AEBP2: variants seen among roughly 807,000 people sequenced by gnomAD.
AEBP2 encodes zinc finger protein AEBP2.
Under a neutral mutation model 50.8 loss-of-function variants are expected in AEBP2, and 10 were observed. The ratio of observed to expected loss-of-function variants is 0.20; its 90% CI spans 0.12 to 0.33. AEBP2 has a LOEUF of 0.33. Ranked by LOEUF, AEBP2 falls within the 10% of genes least tolerant of loss-of-function variation. The pLI is 1.00. For synonymous variants in AEBP2, 296 were observed against 261.3 expected (o/e 1.13, Z -1.28); for missense variants, 570 against 688.0 (o/e 0.83, Z 1.92).
At chr12:19,420,389 G>T (rs978210044) in intron 1 of AEBP2, among the ~76,000 whole-genome samples, 1 of 130,446 alleles carries the variant, frequency 7.7e-6, no homozygotes, top group Non-Finnish European at 1.6e-5. Context: ...GCTGGAGTAC[G>T]ATGGTGCTAT....
In AEBP2 at chr12:19,440,128, C is replaced by A; in HGVS notation, c.429C>A (p.Gly143=). The A allele has an allele frequency of 1.3e-6, 2 of 1,504,234 alleles. No homozygotes were observed. The highest frequency in any genetic ancestry group is 1.8e-6 in the Non-Finnish European group (2 of 1,132,980). The allele number at this position is 1,504,234 out of a possible 1,614,324, so 93.2% of individuals were successfully genotyped here. ...ACGAGACCCGCTCGTTGAGCCCCGGCGCCGCCAGCAGCAGCAGCGGGGATG... is the reference window on the plus strand; with the variant it reads ...ACGAGACCCGCTCGTTGAGCCCCGGAGCCGCCAGCAGCAGCAGCGGGGATG... ...SSDETRSLSP[G]AASSSSGDGD... Residue 143 remains glycine, a synonymous_variant, in exon 1 of 8, where the codon GGC becomes GGA. Coordinates refer to ENST00000266508, the MANE Select transcript of AEBP2 (RefSeq NM_153207.5).
chr12:19,440,525 C>T (rs1403069091), intron 1 of AEBP2, 155 bp downstream of exon 1: 2 of 1,383,238 alleles, frequency 1.4e-6, no homozygotes, highest in Admixed American at 3.0e-5. Context: ...TCGCCGTCGC[C>T]GCCGCGCCCC....
At chr12:19,452,040 G>A (rs922817126) in intron 1 of AEBP2, among the ~76,000 whole-genome samples, 5 of 152,044 alleles carry the variant, frequency 3.3e-5, no homozygotes, top group Non-Finnish European at 5.9e-5. Context: ...ACAGGCATGC[G>A]CCCCCACACC....
chr12:19,495,547 C>CTTTTTTTTTTTTTTTTT (rs35060511), intron 4 of AEBP2, among the ~76,000 whole-genome samples: 2 of 141,040 alleles, frequency 1.4e-5, no homozygotes, highest in African/African-American at 2.6e-5. Flanking sequence ...TTCATTCTTG[C>CTTTTTTTTTTTTTTTTT]TTTTTTTTTT....
At chr12:19,416,378 A>C (rs1399980890) in intron 1 of AEBP2, among the ~76,000 whole-genome samples, 1 of 152,134 alleles carries the variant, frequency 6.6e-6, no homozygotes, top group African/African-American at 2.4e-5. Context: ...AAATAATCTG[A>C]GATACAAATG....
chr12:19,476,136 CT>C (rs1565721699), intron 3 of AEBP2, among the ~76,000 whole-genome samples: 1 of 152,136 alleles, frequency 6.6e-6, no homozygotes, highest in Non-Finnish European at 1.5e-5. Flanking sequence ...AACTCTTTGC[CT>C]AAGCCAATGT....
At chr12:19,429,198 A>G (rs1277803037) in intron 1 of AEBP2, among the ~76,000 whole-genome samples, 1 of 152,058 alleles carries the variant, frequency 6.6e-6, no homozygotes, top group Non-Finnish European at 1.5e-5. Context: ...TCATTGTTCA[A>G]TTCCCACCTA....
chr12:19,499,894 A>G (rs971813340), intron 4 of AEBP2, among the ~76,000 whole-genome samples: 3 of 152,210 alleles, frequency 2.0e-5, no homozygotes, highest in African/African-American at 7.2e-5. Flanking sequence ...ACCAAGGGTC[A>G]GAATTAACCC....
At chr12:19,412,635 T>C (rs888504569) in intron 1 of AEBP2, among the ~76,000 whole-genome samples, 1 of 152,046 alleles carries the variant, frequency 6.6e-6, no homozygotes, top group Non-Finnish European at 1.5e-5. Context: ...AATCTCACTA[T>C]GTTGCCCAGG....
intron 1 of AEBP2, among the ~76,000 whole-genome samples, chr12:19,445,454 TC>T (rs1308503569): frequency 6.6e-6 from 1 of 151,470 alleles, no homozygotes; most frequent in South Asian, 2.1e-4. Context: ...CCTCAAATGA[TC>T]CGCTTGCCTC....
At chr12:19,502,608 A>C (rs949706177) in intron 5 of AEBP2, among the ~76,000 whole-genome samples, 2 of 147,712 alleles carry the variant, frequency 1.4e-5, no homozygotes, top group African/African-American at 5.0e-5. Context: ...GTGCAGTTTT[A>C]TTTCAGGGGC....
chr12:19,422,065 C>A (rs1021614461), intron 1 of AEBP2, among the ~76,000 whole-genome samples: 1 of 152,072 alleles, frequency 6.6e-6, no homozygotes, highest in Non-Finnish European at 1.5e-5. Flanking sequence ...TCACTTCAAC[C>A]TGGGAGGCAG....
intron 2 of AEBP2, among the ~76,000 whole-genome samples, chr12:19,471,581 A>G (rs1948574295): frequency 6.6e-6 from 1 of 151,940 alleles, no homozygotes; most frequent in Non-Finnish European, 1.5e-5. Flanking sequence ...GGCTCACTGC[A>G]GCCTCCATCT....
chr12:19,440,467 C>G (rs944276332), intron 1 of AEBP2, 97 bp downstream of exon 1: 1 of 1,410,682 alleles, frequency 7.1e-7, no homozygotes, highest in Admixed American at 2.9e-5. Context: ...GATCCCCCTG[C>G]TCCCCGAATC....
At chr12:19,478,886 A>G (rs904882719) in intron 3 of AEBP2, among the ~76,000 whole-genome samples, 5 of 152,016 alleles carry the variant, frequency 3.3e-5, no homozygotes, top group African/African-American at 1.2e-4. Context: ...TTTGTGACCT[A>G]TCATATGGTC....
intron 1 of AEBP2, chr12:19,413,039 C>CT (rs1437831897): frequency 2.2e-6 from 1 of 462,876 alleles, no homozygotes; most frequent in Non-Finnish European, 4.0e-6. Context: ...CTGGAGCGGG[C>CT]TCGTCCTGGC....
rs141423883 is a variant in AEBP2 at position 19,460,094 on chromosome 12, G to A, written c.672-2416G>A. 3.9e-3 allele frequency among the ~76,000 whole-genome samples: 588 copies of A among 152,112 alleles called. 4 individuals are homozygous for A. The highest frequency in any genetic ancestry group is 0.013 in the African/African-American group (557 of 41,502). Reference sequence around the variant, plus strand: ...CATAGTGGTGCACACCTGTAGGCCCGGCTACTCAGGAGGCTGAGGTGGGAG... The same window carrying A: ...CATAGTGGTGCACACCTGTAGGCCCAGCTACTCAGGAGGCTGAGGTGGGAG... On this transcript the variant is annotated intron_variant, in intron 1 of 7. Transcript: ENST00000266508.
chr12:19,423,686 A>C (rs1022837145), intron 1 of AEBP2, among the ~76,000 whole-genome samples: 3 of 152,156 alleles, frequency 2.0e-5, no homozygotes. Context: ...TGTAAAATAC[A>C]TGAGAGGGGC....
At chr12:19,515,341 G>A (rs1244810393) in intron 7 of AEBP2, among the ~76,000 whole-genome samples, 1 of 152,158 alleles carries the variant, frequency 6.6e-6, no homozygotes, top group Non-Finnish European at 1.5e-5. Context: ...TATGTGCTGA[G>A]TCACTTTGCT....
Sources: allele counts gnomAD v4.1 joint callset (sites outside exome capture counted in the v4.1 genomes callset), GRCh38; gene constraint gnomAD v4.1.1; transcripts MANE v1.5; gene names NCBI Gene and HGNC (gene_info 2026-07-23, HGNC 2026-07-21).